Variants in CDH13 observed in about 807,000 individuals in gnomAD.
The protein encoded by CDH13 is cadherin 13.
In CDH13, 24 loss-of-function variants were observed where a neutral mutation model predicts 63.8. The observed-to-expected ratio is 0.38, with a 90% confidence interval of 0.27 to 0.53. The LOEUF (loss-of-function observed/expected upper bound fraction) is 0.53. CDH13 is among the 20% of genes least tolerant of loss of function. The pLI, the probability that CDH13 is intolerant of heterozygous loss-of-function variation, is 0.85. For synonymous variants in CDH13, 503 were observed against 355.3 expected, an observed-to-expected ratio of 1.42 and a Z score of -4.67; for missense variants, 1,049 against 903.1, an observed-to-expected ratio of 1.16 and a Z score of -2.07.
chr16:83,472,424 G>A (rs1238474003), intron 6 of CDH13, among the ~76,000 whole-genome samples: 1 of 152,212 alleles, frequency 6.6e-6, no homozygotes, highest in Non-Finnish European at 1.5e-5. Context: ...CTGGAGATAT[G>A]AGACTGGGGA....
chr16:82,794,760 A>G (rs12929663), intron 1 of CDH13, among the ~76,000 whole-genome samples: 9,328 of 152,204 alleles, frequency 0.061, 335 homozygotes, highest in South Asian at 0.1. Flanking sequence ...GAGCTGTTAT[A>G]ATGTTTTATC....
intron 8 of CDH13, among the ~76,000 whole-genome samples, chr16:83,648,513 T>G (rs956995653): frequency 3.9e-5 from 6 of 152,138 alleles, no homozygotes; most frequent in Non-Finnish European, 8.8e-5. Context: ...CCAGGCTTAG[T>G]CTGAATGCTC....
intron 2 of CDH13, among the ~76,000 whole-genome samples, chr16:82,983,623 G>A (rs552868016): frequency 6.6e-6 from 1 of 152,346 alleles, no homozygotes; most frequent in South Asian, 2.1e-4. Flanking sequence ...AGACAGGGCT[G>A]CTGTGAGATG....
intron 2 of CDH13, among the ~76,000 whole-genome samples, chr16:83,011,077 C>T (rs1264217030): frequency 1.3e-5 from 2 of 152,144 alleles, no homozygotes; most frequent in Non-Finnish European, 2.9e-5. Flanking sequence ...TCTTCTGTTT[C>T]ATGCTCATGG....
intron 4 of CDH13, among the ~76,000 whole-genome samples, chr16:83,161,567 C>CT (rs1193580703): frequency 1.3e-5 from 2 of 151,848 alleles, no homozygotes; most frequent in African/African-American, 2.4e-5. Flanking sequence ...AGCATTATGT[C>CT]TTTTTTTTAT....
chr16:82,849,496 G>T (rs368164606), intron 1 of CDH13, among the ~76,000 whole-genome samples: 4 of 152,032 alleles, frequency 2.6e-5, no homozygotes, highest in Non-Finnish European at 4.4e-5. Flanking sequence ...GTGAGACTCC[G>T]TCTCAAAAAA....
intron 2 of CDH13, among the ~76,000 whole-genome samples, chr16:82,864,718 GC>G (rs1349583418): frequency 1.3e-5 from 2 of 152,086 alleles, no homozygotes; most frequent in Admixed American, 1.3e-4. Context: ...ATGTTATTCC[GC>G]CCCTGGTTCC....
At chr16:83,776,591 C>T (rs1400899339) in intron 11 of CDH13, among the ~76,000 whole-genome samples, 2 of 152,178 alleles carry the variant, frequency 1.3e-5, no homozygotes, top group African/African-American at 2.4e-5. Context: ...TAAAGAGTAT[C>T]GGCTCGCACT....
intron 4 of CDH13, among the ~76,000 whole-genome samples, chr16:83,168,645 T>C (rs973561136): frequency 6.6e-6 from 1 of 150,620 alleles, no homozygotes; most frequent in Non-Finnish European, 1.5e-5. Context: ...CACTCAGAGA[T>C]AGCTTCTGAT....
chr16:83,775,279 T>C (rs573326132), intron 11 of CDH13, among the ~76,000 whole-genome samples: 1 of 151,918 alleles, frequency 6.6e-6, no homozygotes, highest in South Asian at 2.1e-4. Context: ...GTCTGTGGAC[T>C]CTTCAGGTAT....
intron 7 of CDH13, among the ~76,000 whole-genome samples, chr16:83,494,135 TATTTC>T (rs2074081702): frequency 6.6e-6 from 1 of 152,218 alleles, no homozygotes; most frequent in Non-Finnish European, 1.5e-5. Flanking sequence ...TTCTCTAAGA[TATTTC>T]TTTTCTTTTT....
chr16:83,578,814 G>T (rs1178109134), intron 7 of CDH13, among the ~76,000 whole-genome samples: 1 of 152,132 alleles, frequency 6.6e-6, no homozygotes. Flanking sequence ...CCACTATTCG[G>T]TGTCCTATGT....
At chr16:83,100,902 G>GTATTTCAC (rs555140897) in intron 3 of CDH13, among the ~76,000 whole-genome samples, 123 of 152,236 alleles carry the variant, frequency 8.1e-4, no homozygotes, top group African/African-American at 2.9e-3. Flanking sequence ...GAGGCTTTTT[G>GTATTTCAC]TATTTCACAC....
At position 83,533,647 on chromosome 16, in the gene CDH13, G is replaced by A. The variant is rs193116886; in HGVS notation, c.960+46992G>A. Among the ~76,000 whole-genome samples the A allele has an allele frequency of 1.9e-3, 261 of 134,848 alleles. 1 individual carries two copies. The highest frequency in any genetic ancestry group is 5.8e-3 in the African/African-American group (203 of 34,778). The allele number at this position is 134,848 out of a possible 152,430, so 88.5% of individuals were successfully genotyped here. A position where few individuals can be genotyped will look rare whatever the true frequency, so the allele number is the denominator to read the frequency against. On this transcript the variant is annotated intron_variant, in intron 7 of 13. Coordinates refer to ENST00000567109, the MANE Select transcript of CDH13 (RefSeq NM_001257.5). ...TTTTTTTTTTTTTTTTTGAGATGGA[G>A]TCTCACTCTGTCACCCAGGCTGGAG...
intron 1 of CDH13, among the ~76,000 whole-genome samples, chr16:82,756,943 C>G (rs376541552): frequency 4.6e-5 from 7 of 152,304 alleles, no homozygotes; most frequent in African/African-American, 1.7e-4. Flanking sequence ...TTGTCCCTTG[C>G]TACATCCTCA....
chr16:82,932,238 G>A (rs536612612), intron 2 of CDH13, among the ~76,000 whole-genome samples: 1 of 152,110 alleles, frequency 6.6e-6, no homozygotes, highest in Non-Finnish European at 1.5e-5. Flanking sequence ...GCCCAACATT[G>A]ACACACACTT....
intron 8 of CDH13, 71 bp downstream of exon 8, chr16:83,602,665 G>T: frequency 2.0e-6 from 3 of 1,478,042 alleles, no homozygotes; most frequent in East Asian, 2.3e-5. Flanking sequence ...GTTAATTCAC[G>T]TACCACAGCA....
At chr16:83,045,520 C>A (rs1005360508) in intron 3 of CDH13, among the ~76,000 whole-genome samples, 2 of 151,336 alleles carry the variant, frequency 1.3e-5, no homozygotes, top group Non-Finnish European at 2.9e-5. Context: ...GCCTGTAATC[C>A]CAGCTACTTG....
At chr16:83,155,417 T>C (rs2037168343) in intron 4 of CDH13, among the ~76,000 whole-genome samples, 1 of 152,178 alleles carries the variant, frequency 6.6e-6, no homozygotes, top group Admixed American at 6.6e-5. Context: ...TCTGGGGCAG[T>C]GAAGGCCAAG....
Sources: allele counts gnomAD v4.1 joint callset (sites outside exome capture counted in the v4.1 genomes callset), GRCh38; gene constraint gnomAD v4.1.1; transcripts MANE v1.5; gene names NCBI Gene and HGNC (gene_info 2026-07-23, HGNC 2026-07-21).